ATXN7: variants seen among roughly 807,000 people sequenced by gnomAD.
ATXN7 encodes ataxin 7.
Under a neutral mutation model 70.5 loss-of-function variants are expected in ATXN7, and 12 were observed. The ratio of observed to expected loss-of-function variants is 0.17; its 90% CI spans 0.11 to 0.28. The LOEUF (loss-of-function observed/expected upper bound fraction) is 0.28, where lower values mean the gene tolerates loss of function less well. Ranked by LOEUF, ATXN7 falls within the 10% of genes least tolerant of loss-of-function variation. The pLI is 1.00. For missense variants in ATXN7, 1,256 were observed against 1,131.7 expected (o/e 1.11, Z -1.58); for synonymous variants, 498 against 448.7 (o/e 1.11, Z -1.39).
At chr3:63,996,594 T>G in intron 12 of ATXN7, 111 bp downstream of exon 12, 1 of 893,822 alleles carries the variant, frequency 1.1e-6, no homozygotes, top group Non-Finnish European at 1.6e-6. Context: ...TGTAAACAGA[T>G]ATTCAGCTTC....
At chr3:63,872,865 G>T (rs1368050785) in intron 1 of ATXN7, among the ~76,000 whole-genome samples, 1 of 152,082 alleles carries the variant, frequency 6.6e-6, no homozygotes, top group Non-Finnish European at 1.5e-5. Flanking sequence ...CCATTTTAAA[G>T]GTATGAAAAG....
intron 1 of ATXN7, among the ~76,000 whole-genome samples, chr3:63,874,313 C>T (rs1319359451): frequency 6.6e-6 from 1 of 152,180 alleles, no homozygotes; most frequent in Non-Finnish European, 1.5e-5. Context: ...TTTCGGTCTT[C>T]TTGTGTCTAA....
chr3:63,901,214 CTAATT>C (rs780703437), intron 2 of ATXN7: 29 of 152,158 alleles, frequency 1.9e-4, no homozygotes, highest in African/African-American at 6.8e-4. Flanking sequence ...CTTAAATTAA[CTAATT>C]TAATAGCTAA....
intron 4 of ATXN7, among the ~76,000 whole-genome samples, chr3:63,921,117 C>G (rs1044607052): frequency 6.6e-6 from 1 of 152,148 alleles, no homozygotes; most frequent in South Asian, 2.1e-4. Context: ...CCACTCATAA[C>G]GTAAAACTAG....
intron 9 of ATXN7, 72 bp downstream of exon 9, chr3:63,988,396 T>C: frequency 6.4e-7 from 1 of 1,572,850 alleles, no homozygotes; most frequent in Non-Finnish European, 8.7e-7. Flanking sequence ...AATTTCAGTA[T>C]GGTCATGCTG....
Position 63,996,436 on chromosome 3 carries a change from AC to A in ATXN7, c.2616del (p.Ile873SerfsTer7), listed in dbSNP as rs1452312211. 1 of 1,614,076 alleles carries A rather than the reference AC, an allele frequency of 6.2e-7. No homozygotes were observed. Among genetic ancestry groups the A allele is most frequent in the Non-Finnish European group, 8.5e-7 (1 of 1,180,034 alleles). ...VNNVHMKHTG[T>X]IPGAQGLMNS... ...CAATGTCCACATGAAACACACAGGC[AC>A]CATCCCAGGGGCACAAGGACTGATG... On this transcript the variant is annotated frameshift_variant, in exon 12 of 13. Transcript: ENST00000674280. LOFTEE classifies it high-confidence loss of function.
At chr3:63,948,811 C>G (rs917716219) in intron 4 of ATXN7, among the ~76,000 whole-genome samples, 8 of 152,086 alleles carry the variant, frequency 5.3e-5, no homozygotes, top group Non-Finnish European at 1.5e-5. Flanking sequence ...GGCCCACTCA[C>G]TAATTGGAAC....
chr3:63,970,361 C>G (rs2075290563), intron 5 of ATXN7, among the ~76,000 whole-genome samples: 1 of 152,072 alleles, frequency 6.6e-6, no homozygotes, highest in South Asian at 2.1e-4. Context: ...CTGAACTGAT[C>G]ACTCAGACCA....
chr3:63,914,289 ACT>A (rs1348076263), intron 4 of ATXN7, among the ~76,000 whole-genome samples: 1 of 151,768 alleles, frequency 6.6e-6, no homozygotes, highest in Non-Finnish European at 1.5e-5. Flanking sequence ...TCTTCACTTA[ACT>A]CTGTTTCGGT....
chr3:63,912,960 C>A (rs1559629504), intron 3 of ATXN7, 37 bp downstream of exon 3: 2 of 1,335,780 alleles, frequency 1.5e-6, no homozygotes, highest in South Asian at 2.5e-5. Context: ...TTCACCCCCT[C>A]GCGACCCCCT....
Position 63,995,823 on chromosome 3 carries a change from G to A in ATXN7, c.2001G>A (p.Met667Ile), listed in dbSNP as rs746909336. ...TTTCCTCGGTTCCTTCCTCCCCCAT[G>A]TCCAGGAAACCTCAGAAATTGAAAT... ...SGLSSVPSSP[M>I]SRKPQKLKSS... Residue 667 changes from methionine to isoleucine, a missense_variant, in exon 12 of 13, where the codon ATG becomes ATA. By Grantham distance (10) the Met-to-Ile change is conservative. Transcript: ENST00000674280. 1.2e-5 allele frequency: 20 copies of A among 1,614,018 alleles called. No homozygotes were observed. The highest frequency in any genetic ancestry group is 1.6e-5 in the Non-Finnish European group (19 of 1,180,042).
intron 4 of ATXN7, among the ~76,000 whole-genome samples, chr3:63,937,041 A>T (rs751109407): frequency 6.6e-6 from 1 of 152,228 alleles, no homozygotes; most frequent in Non-Finnish European, 1.5e-5. Flanking sequence ...AAGAGTGAAA[A>T]TGTTCCTGCC....
rs1454077736 is a variant in ATXN7, at chr3:63,996,320, T to G, written c.2498T>G (p.Ile833Arg). Residue 833 changes from isoleucine to arginine, a missense_variant, in exon 12 of 13, where the codon ATA (isoleucine) becomes AGA (arginine). Coordinates refer to ENST00000674280, the MANE Select transcript of ATXN7 (RefSeq NM_001377405.1). ...TCACACACTCCTCTAGACAAACTCA[T>G]AGGAAAGAAAAGAAAGTGCTCACCC... Reference protein sequence around the residue: ...SHSHTPLDKLIGKKRKCSPSS... With the variant: ...SHSHTPLDKLRGKKRKCSPSS... The G allele has an allele frequency of 6.2e-6, 10 of 1,613,724 alleles. No homozygotes were observed. In the South Asian group the frequency reaches 7.7e-5, roughly 12 times the overall value.
intron 4 of ATXN7, among the ~76,000 whole-genome samples, chr3:63,930,352 A>G (rs73117059): frequency 0.099 from 15,119 of 152,170 alleles, 873 homozygotes; most frequent in Middle Eastern, 0.16. Context: ...TCATTACTCA[A>G]ATTCTTATTT....
chr3:63,979,122 C>T (rs1477477338), intron 5 of ATXN7, among the ~76,000 whole-genome samples: 2 of 152,176 alleles, frequency 1.3e-5, no homozygotes, highest in Non-Finnish European at 2.9e-5. Flanking sequence ...TATGGATTAC[C>T]TTACTCTAAG....
chr3:63,863,431 G>A (rs1050880668), upstream of ATXN7: 204 of 1,096,704 alleles, frequency 1.9e-4, no homozygotes, highest in Non-Finnish European at 2.2e-4. Flanking sequence ...GGTCCCACCC[G>A]CCCTTGCACC....
upstream of ATXN7, chr3:63,863,499 C>T: frequency 8.5e-7 from 1 of 1,181,888 alleles, no homozygotes; most frequent in Non-Finnish European, 1.0e-6. Flanking sequence ...ACGCTCCCGG[C>T]ACACCCTATA....
chr3:63,932,684 C>G (rs892391001), intron 4 of ATXN7, among the ~76,000 whole-genome samples: 2 of 152,186 alleles, frequency 1.3e-5, no homozygotes, highest in Non-Finnish European at 2.9e-5. Flanking sequence ...GGTACACTTT[C>G]CTTTTTCCCA....
At chr3:63,897,860 T>C (rs1470217070) in intron 1 of ATXN7, among the ~76,000 whole-genome samples, 3 of 152,240 alleles carry the variant, frequency 2.0e-5, no homozygotes, top group Non-Finnish European at 2.9e-5. Context: ...ACCTGAAATA[T>C]ATGCACACAA....
Sources: gnomAD v4.1 joint callset for allele counts (sites outside exome capture counted in the v4.1 genomes callset) on GRCh38, gnomAD v4.1.1 for gene constraint, MANE v1.5 for transcripts, NCBI Gene and HGNC (gene_info 2026-07-23, HGNC 2026-07-21) for gene names.